Variants in C8orf34 observed in about 807,000 individuals in gnomAD.
C8orf34 encodes the protein uncharacterized protein C8orf34.
C8orf34 carries 65 observed loss-of-function variants against 68.3 expected under a neutral mutation model. The observed-to-expected ratio is 0.95, with a 90% CI of 0.78 to 1.17. C8orf34 has a LOEUF of 1.17. Among genes scored for constraint, C8orf34 ranks in the 50% most tolerant of loss-of-function variants. The pLI, the probability that C8orf34 is intolerant of heterozygous loss-of-function variation, is 0.00. For synonymous variants in C8orf34, 244 were observed against 241.2 expected, an observed-to-expected ratio of 1.01 and a Z score of -0.11; for missense variants, 664 against 655.4, an observed-to-expected ratio of 1.01 and a Z score of -0.14.
intron 10 of C8orf34, among the ~76,000 whole-genome samples, chr8:68,746,658 C>A (rs1300836943): frequency 6.7e-6 from 1 of 148,854 alleles, no homozygotes; most frequent in Admixed American, 6.7e-5. Flanking sequence ...TTCCTCGACA[C>A]ATACACCCTC....
intron 1 of C8orf34, among the ~76,000 whole-genome samples, chr8:68,387,767 A>G (rs2676652): frequency 0.19 from 28,494 of 152,196 alleles, 2,919 homozygotes; most frequent in African/African-American, 0.26. Context: ...CTATCTCATC[A>G]TTTATTGAAA....
chr8:68,463,729 A>C (rs887855193), intron 3 of C8orf34, among the ~76,000 whole-genome samples: 13 of 152,162 alleles, frequency 8.5e-5, no homozygotes, highest in African/African-American at 1.2e-4. Flanking sequence ...AGGCCTTTGA[A>C]AAAATTCAAC....
At chr8:68,385,428 T>C (rs1808220793) in intron 1 of C8orf34, among the ~76,000 whole-genome samples, 1 of 152,192 alleles carries the variant, frequency 6.6e-6, no homozygotes, top group Non-Finnish European at 1.5e-5. Context: ...CATAGAAAAC[T>C]AGGTATATTC....
chr8:68,561,683 G>A (rs1816432769), intron 7 of C8orf34, among the ~76,000 whole-genome samples: 2 of 152,126 alleles, frequency 1.3e-5, no homozygotes, highest in African/African-American at 4.8e-5. Flanking sequence ...ACTTGAACCT[G>A]GGAAGTGGAG....
intron 10 of C8orf34, among the ~76,000 whole-genome samples, chr8:68,771,930 T>C (rs1183650289): frequency 6.6e-6 from 1 of 152,196 alleles, no homozygotes; most frequent in African/African-American, 2.4e-5. Context: ...TTAACTCTTG[T>C]TCAGCTCTTT....
rs534996307 is a variant in C8orf34 at position 68,510,359 on chromosome 8, C to A, written c.766-11440C>A. Among the ~76,000 whole-genome samples the A allele has an allele frequency of 3.9e-5, 6 of 152,264 alleles. No homozygotes were observed. The East Asian group carries it at 1.2e-3, about 29-fold the overall frequency. On this transcript the variant is annotated intron_variant, in intron 5 of 13. Transcript: ENST00000518698. Reference sequence around the variant, plus strand: ...TTGGTCTTACTTTCCCAAAAGGAAACCTCTGAGGGATAGGCATCCTATTTA... The same window carrying A: ...TTGGTCTTACTTTCCCAAAAGGAAAACTCTGAGGGATAGGCATCCTATTTA...
At chr8:68,638,306 ACTTTTTTTTTT>A (rs1024884074) in intron 7 of C8orf34, among the ~76,000 whole-genome samples, 2 of 144,118 alleles carry the variant, frequency 1.4e-5, no homozygotes, top group South Asian at 2.2e-4. Context: ...TAAAGCTAGA[ACTTTTTTTTTT>A]CTTTTTTTTT....
intron 1 of C8orf34, among the ~76,000 whole-genome samples, chr8:68,385,225 A>G (rs565537357): frequency 3.3e-5 from 5 of 152,138 alleles, no homozygotes; most frequent in Non-Finnish European, 5.9e-5. Flanking sequence ...GCCTCATTTT[A>G]GTGATAAGGA....
At chr8:68,568,950 C>T (rs1816684005) in intron 7 of C8orf34, among the ~76,000 whole-genome samples, 1 of 152,210 alleles carries the variant, frequency 6.6e-6, no homozygotes, top group Non-Finnish European at 1.5e-5. Context: ...AACAAGTAAG[C>T]ATGGCTTTGT....
At chr8:68,565,777 A>T (rs1471527225) in intron 7 of C8orf34, among the ~76,000 whole-genome samples, 1 of 152,166 alleles carries the variant, frequency 6.6e-6, no homozygotes, top group Non-Finnish European at 1.5e-5. Context: ...TTGAAATGAG[A>T]TTTAGAGAGT....
intron 1 of C8orf34, among the ~76,000 whole-genome samples, chr8:68,433,876 A>G (rs1393231150): frequency 6.6e-6 from 1 of 152,184 alleles, no homozygotes; most frequent in Non-Finnish European, 1.5e-5. Context: ...CTTTTATCTA[A>G]TGAAAATTAA....
intron 8 of C8orf34, among the ~76,000 whole-genome samples, chr8:68,702,391 G>A (rs1401777282): frequency 1.3e-5 from 2 of 152,126 alleles, no homozygotes; most frequent in Non-Finnish European, 2.9e-5. Flanking sequence ...TCTACATGAA[G>A]TTTAGTTCCT....
intron 12 of C8orf34, among the ~76,000 whole-genome samples, chr8:68,807,448 A>G (rs1217566679): frequency 2.0e-5 from 3 of 152,176 alleles, no homozygotes; most frequent in Non-Finnish European, 4.4e-5. Flanking sequence ...TGTTTAATAT[A>G]TACATTGACT....
chr8:68,790,869 CT>C, intron 12 of C8orf34: 1 of 701,828 alleles, frequency 1.4e-6, no homozygotes, highest in East Asian at 2.7e-5. Context: ...ATTTTTCATA[CT>C]TTGGTAATAT....
At chr8:68,362,327 A>G (rs577529458) in intron 1 of C8orf34, among the ~76,000 whole-genome samples, 3 of 152,354 alleles carry the variant, frequency 2.0e-5, no homozygotes, top group South Asian at 4.1e-4. Context: ...TGTTTTCATC[A>G]TTAAAACCAA....
intron 1 of C8orf34, among the ~76,000 whole-genome samples, chr8:68,342,319 GA>G (rs1806104630): frequency 6.6e-6 from 1 of 152,170 alleles, no homozygotes; most frequent in South Asian, 2.1e-4. Context: ...CAGTCTATAG[GA>G]GGACATATTG....
At chr8:68,718,042 T>C (rs1341327047) in intron 9 of C8orf34, among the ~76,000 whole-genome samples, 1 of 152,226 alleles carries the variant, frequency 6.6e-6, no homozygotes, top group African/African-American at 2.4e-5. Context: ...TATGCCATCC[T>C]TCCCTGCCTA....
chr8:68,367,931 A>AAAAAAAAAAAAAAAAC (rs1807377491), intron 1 of C8orf34, among the ~76,000 whole-genome samples: 1 of 145,620 alleles, frequency 6.9e-6, no homozygotes, highest in Non-Finnish European at 1.5e-5. Flanking sequence ...AAAAAAAAAA[A>AAAAAAAAAAAAAAAAC]AAAAAAGAAA....
chr8:68,557,497 T>C (rs1816289808), intron 7 of C8orf34, among the ~76,000 whole-genome samples: 1 of 152,216 alleles, frequency 6.6e-6, no homozygotes, highest in Non-Finnish European at 1.5e-5. Context: ...ATTAAGTGAC[T>C]CATCAAACAA....
Sources: gnomAD v4.1 joint callset for allele counts (sites outside exome capture counted in the v4.1 genomes callset) on GRCh38, gnomAD v4.1.1 for gene constraint, MANE v1.5 for transcripts, NCBI Gene and HGNC (gene_info 2026-07-23, HGNC 2026-07-21) for gene names.